The following NLE1 variants were observed in gnomAD, a reference collection of about 807,000 sequenced individuals.
The protein encoded by NLE1 is notchless homolog 1.
A neutral mutation model predicts 62.8 loss-of-function variants in NLE1; 37 were observed. The observed-to-expected ratio is 0.59, with a 90% CI of 0.45 to 0.78. The LOEUF is 0.78. NLE1 is among the 30% of genes least tolerant of loss of function. The probability of loss-of-function intolerance (pLI) is 0.00; values close to 1 mark genes in which losing one functional copy is unlikely to be tolerated. For missense variants in NLE1, 555 were observed against 637.9 expected (o/e 0.87, Z 1.40); for synonymous variants, 243 against 253.0 (o/e 0.96, Z 0.37).
In NLE1 at chr17:35,133,490, G is replaced by T; in HGVS notation, c.1223C>A (p.Ala408Asp). The stretch of plus-strand genomic sequence containing the variant: ...GGCAGCCACGTGGCCGCGTAGGGAA[G>T]CCAGGTACCTGGTCCAGGAGAAGAC... ...LWDGRTGKYLASLRGHVAAVY... is the reference protein window; with the variant it reads ...LWDGRTGKYLDSLRGHVAAVY... Residue 408 changes from alanine (A) to aspartate (D), a missense_variant, in exon 11 of 13, where the codon GCT becomes GAT. Ala to Asp is a moderately radical substitution (Grantham distance 126, BLOSUM62 -2). Coordinates refer to ENST00000442241, the MANE Select transcript of NLE1 (RefSeq NM_018096.5). The T allele has an allele frequency of 6.2e-7, 1 of 1,611,720 alleles. No homozygotes were observed.
chr17:35,139,850 T>G lies in NLE1; in HGVS notation c.379A>C (p.Lys127Gln), dbSNP rs768772546. The change falls in exon 3 of 13, where the codon AAG becomes CAG. Residue 127 changes from lysine (K) to glutamine (Q), a missense_variant and splice_region_variant. By Grantham distance (53) the Lys-to-Gln change is moderately conservative (BLOSUM62 1). Transcript: ENST00000442241. Reference sequence around the variant, plus strand: ...CCATGAGTCTGCAGCTGTCCTTACTTTCCCGTAGGGCTGAAGGCCACAGAA... The same window carrying G: ...CCATGAGTCTGCAGCTGTCCTTACTGTCCCGTAGGGCTGAAGGCCACAGAA... Reference protein sequence around the residue: ...VISVAFSPTGKYLASGSGDTT... With the variant: ...VISVAFSPTGQYLASGSGDTT... The G allele has an allele frequency of 6.2e-7, 1 of 1,612,044 alleles. No homozygotes were observed. Among genetic ancestry groups the G allele is most frequent in the Non-Finnish European group, 8.5e-7 (1 of 1,179,964 alleles).
At position 35,131,631 on chromosome 17, in the gene NLE1, T is replaced by C. The variant is rs1460143640; in HGVS notation, c.*806A>G. 1 of 152,390 alleles carries C rather than the reference T, an allele frequency of 6.6e-6. No individual in the cohort carries two copies. Among genetic ancestry groups the C allele is most frequent in the East Asian group, 1.9e-4 (1 of 5,200 alleles). 9.4% of individuals were successfully genotyped at this position (152,390 alleles called of 1,614,324 possible). On this transcript the variant is annotated 3_prime_UTR_variant, in exon 13 of 13. Coordinates refer to ENST00000442241, the MANE Select transcript of NLE1 (RefSeq NM_018096.5). ...CTGGAAGAGCCATCACCTTCCCCGC[T>C]CTATCCCATGGGCCCAGGGCAGTGC... is the stretch of plus-strand genomic sequence containing the variant.
At chr17:35,140,858 G>C (rs559489016) in intron 2 of NLE1, among the ~76,000 whole-genome samples, 11 of 152,166 alleles carry the variant, frequency 7.2e-5, no homozygotes, top group African/African-American at 2.4e-4. Flanking sequence ...CCAAAGTACT[G>C]GGATTACAGG....
rs772650423 is a variant in NLE1 at position 35,135,273 on chromosome 17, T to C, written c.1190A>G (p.Lys397Arg). 1.2e-6 allele frequency: 2 copies of C among 1,614,116 alleles called. No individual in the cohort carries two copies. Among genetic ancestry groups the C allele is most frequent in the Non-Finnish European group, 1.7e-6 (2 of 1,180,030 alleles). The change falls in exon 10 of 13, where the codon AAG becomes AGG. Residue 397 changes from lysine to arginine, a missense_variant. Physicochemically the swap from Lys to Arg is conservative, Grantham distance 26. Transcript: ENST00000442241. ...CTTGCCCGTCCTGCCATCCCACAGC[T>C]TGATGGACTTGTCAAAGGAGGCACT... ...VASASFDKSIKLWDGRTGKYL... is the reference protein window; with the variant it reads ...VASASFDKSIRLWDGRTGKYL...
chr17:35,137,515 T>G lies in NLE1; in HGVS notation c.635+28A>C, dbSNP rs184366452. The G allele has an allele frequency of 2.5e-6, 4 of 1,575,108 alleles. No homozygotes were observed. The South Asian group carries it at 3.4e-5, about 13-fold the overall frequency. On this transcript the variant is annotated intron_variant, in intron 6 of 12. Coordinates refer to ENST00000442241, the MANE Select transcript of NLE1 (RefSeq NM_018096.5). ...GGATGGCTTTGATCCCCTGGCTCAT[T>G]TGTCCCAGCTCCGTCAGTGTCACTT...
At position 35,130,527 on chromosome 17, in the gene NLE1, C is replaced by T. The variant is rs1165905362; in HGVS notation, c.*1910G>A. On this transcript the variant is annotated 3_prime_UTR_variant, in exon 13 of 13. Coordinates refer to ENST00000442241, the MANE Select transcript of NLE1 (RefSeq NM_018096.5). ...CATGAGACCTACCATACCACCAGCA[C>T]CCTGCGGGCCCGGGGTCTGGCAGAG... The T allele has an allele frequency of 3.0e-6, 4 of 1,348,974 alleles. No homozygotes were observed. The highest frequency in any genetic ancestry group is 2.4e-5 in the East Asian group (1 of 42,030). 83.6% of individuals were successfully genotyped at this position (1,348,974 alleles called of 1,614,324 possible).
chr17:35,131,127 T>C lies in NLE1; in HGVS notation c.*1310A>G, dbSNP rs1307087601. On this transcript the variant is annotated 3_prime_UTR_variant, in exon 13 of 13. Transcript: ENST00000442241. The stretch of plus-strand genomic sequence containing the variant: ...AATCATTTCTTATGTTGTTTCCTCA[T>C]CAAAAGTTTTGGAGCTTGAGAACCT... 1 of 152,204 alleles carries C rather than the reference T, an allele frequency of 6.6e-6. No individual in the cohort carries two copies. Among genetic ancestry groups the C allele is most frequent in the African/African-American group, 2.4e-5 (1 of 41,436 alleles). 9.4% of individuals were successfully genotyped at this position (152,204 alleles called of 1,614,324 possible).
chr17:35,132,483 T>C, intron 12 of NLE1, 34 bp from the exon 13 acceptor site: 1 of 1,359,838 alleles, frequency 7.4e-7, no homozygotes, highest in Non-Finnish European at 9.5e-7. Context: ...GGATGGGGAT[T>C]CCACCTTAGG....
chr17:35,142,122 C>A lies in NLE1; in HGVS notation c.19G>T (p.Asp7Tyr). The change falls in exon 2 of 13, where the codon GAC becomes TAC. Residue 7 changes from aspartate (D) to tyrosine (Y), a missense_variant and splice_region_variant. Asp to Tyr is a radical substitution (Grantham distance 160). Coordinates refer to ENST00000442241, the MANE Select transcript of NLE1 (RefSeq NM_018096.5). MAAAVP[D>Y]EAVARDVQRL... is the part of the protein sequence containing the mutation. ...TGCACATCGCGCGCCACCGCCTCGT[C>A]CTGCGCGAGCAAGTGGGGCGGGAGT... The A allele has an allele frequency of 6.2e-7, 1 of 1,610,942 alleles. No individual in the cohort carries two copies. Among genetic ancestry groups the A allele is most frequent in the Non-Finnish European group, 8.5e-7 (1 of 1,179,160 alleles).
intron 1 of NLE1, 40 bp from the exon 2 acceptor site, chr17:35,142,162 G>T (rs2091948449): frequency 6.2e-7 from 1 of 1,604,576 alleles, no homozygotes. Context: ...CTGGTCGCCC[G>T]CCCAGAAGGG....
At position 35,136,208 on chromosome 17, in the gene NLE1, C is replaced by T. The variant is rs757564968; in HGVS notation, c.972G>A (p.Glu324=). The part of the protein sequence containing the change: ...NPQDLQGSLQ[E]LKERALSRYN... ...ATCGGCTCAGAGCCCTCTCCTTCAA[C>T]TCCTGCACTGTGACCAGGTACCGGA... is the stretch of plus-strand genomic sequence containing the variant. The change falls in exon 9 of 13, where the codon GAG becomes GAA. Residue 324 remains glutamate (E), a synonymous_variant. Transcript: ENST00000442241. 2 of 1,614,168 alleles carry T rather than the reference C, an allele frequency of 1.2e-6. No individual in the cohort carries two copies. Among genetic ancestry groups the T allele is most frequent in the Non-Finnish European group, 1.7e-6 (2 of 1,179,996 alleles).
rs866824358 is a variant in NLE1 at position 35,139,782 on chromosome 17, C to A, written c.380+67G>T. ...CCCCATCAATTATAACTCTGGGAGA[C>A]CCTCCCCAAACCAGGCAAAGACTGC... is the stretch of plus-strand genomic sequence containing the variant. On this transcript the variant is annotated intron_variant, in intron 3 of 12. Transcript: ENST00000442241. 12 of 1,574,272 alleles carry A rather than the reference C, an allele frequency of 7.6e-6. 1 individual carries two copies. Among genetic ancestry groups the A allele is most frequent in the South Asian group, 6.9e-5 (6 of 87,456 alleles).
rs1291512493 is a variant in NLE1 at position 35,129,255 on chromosome 17, G to A, written c.*3182C>T. ...GAGAGTAGTACATGCTTCGGGGCAG[G>A]GGTTCCACACTCAGTGCTGCAGTAC... On this transcript the variant is annotated 3_prime_UTR_variant, in exon 13 of 13. Transcript: ENST00000442241. 2 of 820,842 alleles carry A rather than the reference G, an allele frequency of 2.4e-6. No homozygotes were observed. 50.8% of individuals were successfully genotyped at this position (820,842 alleles called of 1,614,324 possible).
chr17:35,137,531 A>C lies in NLE1; in HGVS notation c.635+12T>G, dbSNP rs1188741016. ...CTGGCTCATTTGTCCCAGCTCCGTC[A>C]GTGTCACTTACGCATGGAGGGGCTC... On this transcript the variant is annotated intron_variant, in intron 6 of 12. Coordinates refer to ENST00000442241, the MANE Select transcript of NLE1 (RefSeq NM_018096.5). 2 of 1,601,190 alleles carry C rather than the reference A, an allele frequency of 1.2e-6. No homozygotes were observed. Among genetic ancestry groups the C allele is most frequent in the South Asian group, 2.2e-5 (2 of 90,474 alleles).
Position 35,129,769 on chromosome 17 carries a change from C to A in NLE1, c.*2668G>T. 6.8e-7 allele frequency: 1 copy of A among 1,475,326 alleles called. No individual in the cohort carries two copies. Among genetic ancestry groups the A allele is most frequent in the Non-Finnish European group, 9.0e-7 (1 of 1,114,616 alleles). The allele number at this position is 1,475,326 out of a possible 1,614,324, so 91.4% of individuals were successfully genotyped here. A position where few individuals can be genotyped will look rare whatever the true frequency, so the allele number is the denominator to read the frequency against. ...ATGCCCACATGACTCATCTGGCTAG[C>A]TTTCCTTCTGCCTGGGTCAAGAAGC... On this transcript the variant is annotated 3_prime_UTR_variant, in exon 13 of 13. Transcript: ENST00000442241.
rs1205629757 is a variant in NLE1 at position 35,139,905 on chromosome 17, G to T, written c.324C>A (p.Ser108Arg). ...FRVRAVTRCT[S>R]SLEGHSEAVI... The stretch of plus-strand genomic sequence containing the variant: ...CTGCCTCACTGTGACCCTCCAAGGA[G>T]CTGGTGCAGCGAGTCACAGCCCGGA... Residue 108 changes from serine (S) to arginine (R), a missense_variant, in exon 3 of 13, where the codon AGC becomes AGA. By Grantham distance (110) the Ser-to-Arg change is moderately radical (BLOSUM62 -1). Transcript: ENST00000442241. 1 of 1,614,100 alleles carries T rather than the reference G, an allele frequency of 6.2e-7. No individual in the cohort carries two copies.
At position 35,133,511 on chromosome 17, in the gene NLE1, A is replaced by G; in HGVS notation, c.1215-13T>C. Reference sequence around the variant, plus strand: ...GGAAGCCAGGTACCTGGTCCAGGAGAAGACGATGATGGATTTTAGTCTGAG... The same window carrying G: ...GGAAGCCAGGTACCTGGTCCAGGAGGAGACGATGATGGATTTTAGTCTGAG... On this transcript the variant is annotated splice_polypyrimidine_tract_variant and intron_variant, in intron 10 of 12. Transcript: ENST00000442241. The G allele has an allele frequency of 1.2e-6, 2 of 1,603,322 alleles. No homozygotes were observed. Among genetic ancestry groups the G allele is most frequent in the Non-Finnish European group, 1.7e-6 (2 of 1,175,952 alleles).
Position 35,129,568 on chromosome 17 carries a change from G to C in NLE1, c.*2869C>G, listed in dbSNP as rs755125254. ...ACAAGATTTTGGGCACTACTGTCAA[G>C]CTGATGGAGCTAAAGCCTAACACGT... On this transcript the variant is annotated 3_prime_UTR_variant, in exon 13 of 13. Transcript: ENST00000442241. The C allele has an allele frequency of 6.2e-7, 1 of 1,614,172 alleles. No homozygotes were observed. Among genetic ancestry groups the C allele is most frequent in the African/African-American group, 1.3e-5 (1 of 75,028 alleles).
intron 3 of NLE1, 114 bp from the exon 4 acceptor site, chr17:35,139,428 G>C (rs1007382887): frequency 2.4e-6 from 2 of 833,008 alleles, no homozygotes; most frequent in Non-Finnish European, 4.0e-6. Flanking sequence ...CTGGAAGGGA[G>C]AAAGACAATA....
Sources: gnomAD v4.1 joint callset for allele counts (sites outside exome capture counted in the v4.1 genomes callset) on GRCh38, gnomAD v4.1.1 for gene constraint, MANE v1.5 for transcripts, NCBI Gene and HGNC (gene_info 2026-07-23, HGNC 2026-07-21) for gene names.